The following IQUB variants were observed in gnomAD, a reference collection of about 807,000 sequenced individuals.
The protein encoded by IQUB is IQ motif and ubiquitin domain containing.
IQUB carries 86 observed loss-of-function variants against 86.4 expected under a neutral mutation model. That is an observed-to-expected ratio of 1.00 (90% CI 0.84 to 1.19). IQUB has a LOEUF of 1.19. IQUB is among the 50% of genes most tolerant of loss of function. The probability of loss-of-function intolerance (pLI) is 0.00; values close to 1 mark genes in which losing one functional copy is unlikely to be tolerated. For synonymous variants in IQUB, 289 were observed against 304.5 expected (o/e 0.95, Z 0.53); for missense variants, 946 against 916.9 (o/e 1.03, Z -0.41).
chr7:123,464,233 T>A (rs1343153024), intron 10 of IQUB, among the ~76,000 whole-genome samples: 1 of 151,888 alleles, frequency 6.6e-6, no homozygotes, highest in East Asian at 1.9e-4. Context: ...AGCATTTGTC[T>A]TGGCTTTAGA....
chr7:123,501,296 T>G (rs970904325), intron 6 of IQUB: 12 of 152,358 alleles, frequency 7.9e-5, no homozygotes, highest in African/African-American at 2.7e-4. Context: ...TCTGATGACA[T>G]CATAGAGTCA....
intron 1 of IQUB, among the ~76,000 whole-genome samples, chr7:123,533,639 C>T (rs1201923366): frequency 6.6e-6 from 1 of 152,116 alleles, no homozygotes; most frequent in Non-Finnish European, 1.5e-5. Flanking sequence ...TGAGACAGAT[C>T]TGTAAATATT....
intron 8 of IQUB, among the ~76,000 whole-genome samples, chr7:123,476,330 A>G (rs570034997): frequency 1.3e-5 from 2 of 152,312 alleles, no homozygotes; most frequent in Admixed American, 1.3e-4. Flanking sequence ...ATAGCTAGCT[A>G]CTGAGGAAGG....
chr7:123,464,778 A>G, intron 10 of IQUB, 55 bp downstream of exon 10: 1 of 1,224,876 alleles, frequency 8.2e-7, no homozygotes. Flanking sequence ...ACTTCAATTT[A>G]CTATACCACA....
intron 9 of IQUB, among the ~76,000 whole-genome samples, chr7:123,465,474 CTGT>C (rs1464871181): frequency 6.6e-6 from 1 of 151,952 alleles, no homozygotes; most frequent in Admixed American, 6.6e-5. Flanking sequence ...TGGCAACTTC[CTGT>C]TTAATATTTG....
chr7:123,513,673 G>C (rs1796525818), intron 1 of IQUB, among the ~76,000 whole-genome samples: 1 of 152,172 alleles, frequency 6.6e-6, no homozygotes, highest in Non-Finnish European at 1.5e-5. Flanking sequence ...TTTTGAGACA[G>C]AGTATTGCTC....
Position 123,479,969 on chromosome 7 carries a change from G to A in IQUB, c.1236C>T (p.Phe412=), listed in dbSNP as rs748117750. 1 of 1,605,522 alleles carries A rather than the reference G, an allele frequency of 6.2e-7. No homozygotes were observed. Among genetic ancestry groups the A allele is most frequent in the East Asian group, 2.2e-5 (1 of 44,788 alleles). Reference sequence around the variant, plus strand: ...TACGTGTAAGTTCTTCTTGCCGCCAGACTAGAGGAATAACACAATAGACTC... The same window carrying A: ...TACGTGTAAGTTCTTCTTGCCGCCAAACTAGAGGAATAACACAATAGACTC... ...DFEFLYNALE[F]WRQEELTRIN... The change falls in exon 8 of 13, where the codon TTC becomes TTT. Residue 412 remains phenylalanine, a splice_region_variant and synonymous_variant. Coordinates refer to ENST00000324698, the MANE Select transcript of IQUB (RefSeq NM_178827.5).
At chr7:123,473,721 A>G (rs2003146) in intron 8 of IQUB, among the ~76,000 whole-genome samples, 48,705 of 146,278 alleles carry the variant, frequency 0.33, 8,533 homozygotes, top group Admixed American at 0.41. Flanking sequence ...GATTACAGGC[A>G]CCCGCCACAA....
intron 8 of IQUB, among the ~76,000 whole-genome samples, chr7:123,469,999 A>G (rs371342200): frequency 6.6e-6 from 1 of 152,066 alleles, no homozygotes; most frequent in African/African-American, 2.4e-5. Context: ...CCTATTTCCA[A>G]ATCTGGCTTG....
chr7:123,461,693 A>AACTT lies in IQUB; in HGVS notation c.1759-92_1759-89dup, dbSNP rs1793996306. 7.9e-6 allele frequency: 9 copies of AACTT among 1,136,638 alleles called. No individual in the cohort carries two copies. In the South Asian group the frequency reaches 2.1e-4, roughly 26 times the overall value. The allele number at this position is 1,136,638 out of a possible 1,614,324, so 70.4% of individuals were successfully genotyped here. ...CTAACCAATGGAAGCATCAAAGGCT[A>AACTT]ACTTACTTATCTTAGAATGAGATTT... On this transcript the variant is annotated intron_variant, in intron 10 of 12. Transcript: ENST00000324698.
chr7:123,533,424 A>G (rs1217413170), intron 1 of IQUB, among the ~76,000 whole-genome samples: 1 of 152,160 alleles, frequency 6.6e-6, no homozygotes, highest in Non-Finnish European at 1.5e-5. Flanking sequence ...CTAATAATTA[A>G]ATATCCCTTT....
At chr7:123,517,249 C>T (rs899996256) in intron 1 of IQUB, among the ~76,000 whole-genome samples, 5 of 152,004 alleles carry the variant, frequency 3.3e-5, no homozygotes, top group African/African-American at 4.8e-5. Flanking sequence ...GACCCTATAT[C>T]GGCAGGGCGC....
intron 6 of IQUB, among the ~76,000 whole-genome samples, chr7:123,500,723 A>T (rs1343694814): frequency 6.6e-6 from 1 of 152,132 alleles, no homozygotes; most frequent in African/African-American, 2.4e-5. Context: ...TCTATGGGGC[A>T]AATCTATTTG....
chr7:123,480,192 C>T (rs1794943140), intron 7 of IQUB, among the ~76,000 whole-genome samples: 1 of 152,092 alleles, frequency 6.6e-6, no homozygotes, highest in Non-Finnish European at 1.5e-5. Context: ...GGAAACAGTA[C>T]AGTTGATGTC....
intron 1 of IQUB, among the ~76,000 whole-genome samples, chr7:123,515,701 C>T (rs539709175): frequency 5.8e-4 from 89 of 152,254 alleles, no homozygotes; most frequent in African/African-American, 2.1e-3. Context: ...AATGAGATAG[C>T]ACTACATACC....
At chr7:123,520,235 C>A (rs1009945167) in intron 1 of IQUB, among the ~76,000 whole-genome samples, 1 of 151,822 alleles carries the variant, frequency 6.6e-6, no homozygotes, top group African/African-American at 2.4e-5. Context: ...GCTTTTTTTA[C>A]TGCAGGGATT....
intron 3 of IQUB, among the ~76,000 whole-genome samples, chr7:123,508,208 G>A (rs1796271826): frequency 6.6e-6 from 1 of 152,144 alleles, no homozygotes; most frequent in African/African-American, 2.4e-5. Context: ...AGAAATACAA[G>A]AAATGCAACT....
At chr7:123,462,918 A>G in intron 10 of IQUB, 1 of 438,300 alleles carries the variant, frequency 2.3e-6, no homozygotes, top group Non-Finnish European at 4.6e-6. Context: ...ATTAAACTCT[A>G]CAAATTCTCC....
intron 1 of IQUB, among the ~76,000 whole-genome samples, chr7:123,522,889 T>C (rs1406604087): frequency 7.7e-6 from 1 of 129,584 alleles, no homozygotes; most frequent in Non-Finnish European, 1.6e-5. Flanking sequence ...GAGTGTGATG[T>C]TCCCCTTCCA....
Sources: gnomAD v4.1 joint callset for allele counts (sites outside exome capture counted in the v4.1 genomes callset) on GRCh38, gnomAD v4.1.1 for gene constraint, MANE v1.5 for transcripts, NCBI Gene and HGNC (gene_info 2026-07-23, HGNC 2026-07-21) for gene names.